SAMD12: variants seen among roughly 807,000 people sequenced by gnomAD.
SAMD12 encodes sterile alpha motif domain containing 12, also known as sterile alpha motif domain-containing protein 12.
In SAMD12, 9 loss-of-function variants were observed where a neutral mutation model predicts 15.0. The ratio of observed to expected loss-of-function variants is 0.60; its 90% CI spans 0.36 to 1.05. SAMD12 has a LOEUF of 1.05. SAMD12 is among the 50% of genes least tolerant of loss of function. SAMD12 has a pLI of 0.01. For missense variants in SAMD12, 230 were observed against 234.2 expected, an observed-to-expected ratio of 0.98 and a Z score of 0.12; for synonymous variants, 86 against 90.1, an observed-to-expected ratio of 0.96 and a Z score of 0.25.
chr8:118,563,792 A>G (rs1040926414), intron 2 of SAMD12, among the ~76,000 whole-genome samples: 3 of 152,162 alleles, frequency 2.0e-5, no homozygotes, highest in African/African-American at 4.8e-5. Context: ...TCTAATGTCC[A>G]TTTCAACAGT....
chr8:118,516,382 C>T (rs1385687349), intron 2 of SAMD12, among the ~76,000 whole-genome samples: 1 of 152,136 alleles, frequency 6.6e-6, no homozygotes, highest in South Asian at 2.1e-4. Flanking sequence ...CTTTTTTGGA[C>T]AGAAGTTGTA....
chr8:118,419,257 T>TG (rs201740454), intron 3 of SAMD12, among the ~76,000 whole-genome samples: 3,226 of 148,106 alleles, frequency 0.022, 105 homozygotes, highest in African/African-American at 0.075. Context: ...CTGCTGGCTA[T>TG]GGGGTCTGGG....
chr8:118,180,864 T>C, the SAMD12 span, among the ~76,000 whole-genome samples: 1 of 152,142 alleles, frequency 6.6e-6, no homozygotes, highest in Non-Finnish European at 1.5e-5. Flanking sequence ...CCCAACATCA[T>C]GCCCTTCTCT....
chr8:118,242,346 C>G (rs756270322), intron 4 of SAMD12, among the ~76,000 whole-genome samples: 1 of 152,080 alleles, frequency 6.6e-6, no homozygotes, highest in Non-Finnish European at 1.5e-5. Flanking sequence ...TATCTTGAAT[C>G]ACAAGAAAAT....
At chr8:118,564,349 A>G (rs1247177346) in intron 2 of SAMD12, among the ~76,000 whole-genome samples, 1 of 152,198 alleles carries the variant, frequency 6.6e-6, no homozygotes, top group East Asian at 1.9e-4. Context: ...CAAGAACCAC[A>G]TGAAAGTAAA....
At chr8:118,508,535 C>A (rs1207464437) in intron 2 of SAMD12, among the ~76,000 whole-genome samples, 1 of 152,118 alleles carries the variant, frequency 6.6e-6, no homozygotes, top group Non-Finnish European at 1.5e-5. Flanking sequence ...TTTCAAATTA[C>A]CCATGATTTC....
the SAMD12 span, among the ~76,000 whole-genome samples, chr8:118,165,605 TATATATATG>T: frequency 0.055 from 855 of 15,682 alleles, 17 homozygotes; most frequent in African/African-American, 0.13. Flanking sequence ...CATATATACA[TATATATATG>T]TATATATATA....
chr8:118,287,122 ATTTTTTT>A (rs202200197), intron 4 of SAMD12, among the ~76,000 whole-genome samples: 37 of 132,834 alleles, frequency 2.8e-4, no homozygotes, highest in Admixed American at 1.9e-3. Flanking sequence ...AAGGAAGAAT[ATTTTTTT>A]TTTTTTTTTT....
At chr8:118,287,188 T>G (rs1286038623) in intron 4 of SAMD12, among the ~76,000 whole-genome samples, 2 of 151,162 alleles carry the variant, frequency 1.3e-5, no homozygotes, top group Admixed American at 1.3e-4. Context: ...ACAGTGGCTC[T>G]ATCTCGGCTC....
At chr8:118,159,709 C>CT in the SAMD12 span, among the ~76,000 whole-genome samples, 7 of 9,804 alleles carry the variant, frequency 7.1e-4, 1 homozygote, top group South Asian at 0.013. Flanking sequence ...CAAATTTTTT[C>CT]TTTTTTTTTC....
chr8:118,430,248 A>C (rs1245472432), intron 3 of SAMD12, among the ~76,000 whole-genome samples: 4 of 152,182 alleles, frequency 2.6e-5, no homozygotes, highest in African/African-American at 9.7e-5. Context: ...TAAATTTATC[A>C]ATTTCTACCT....
chr8:118,253,715 C>T (rs925599816), intron 4 of SAMD12, among the ~76,000 whole-genome samples: 1 of 152,090 alleles, frequency 6.6e-6, no homozygotes, highest in Non-Finnish European at 1.5e-5. Context: ...GTGAGTTAAC[C>T]AACTAAACTA....
At chr8:118,285,129 C>T (rs1252541145) in intron 4 of SAMD12, among the ~76,000 whole-genome samples, 1 of 151,674 alleles carries the variant, frequency 6.6e-6, no homozygotes, top group African/African-American at 2.4e-5. Flanking sequence ...CTGCTCTTGG[C>T]CACGTTTTCT....
intron 2 of SAMD12, among the ~76,000 whole-genome samples, chr8:118,453,988 A>G (rs1420878284): frequency 6.6e-6 from 1 of 152,152 alleles, no homozygotes; most frequent in African/African-American, 2.4e-5. Flanking sequence ...CAGACCTGCT[A>G]CAAAGGGGCC....
At chr8:118,332,632 C>T (rs17681771) in intron 4 of SAMD12, among the ~76,000 whole-genome samples, 14,063 of 152,270 alleles carry the variant, frequency 0.092, 846 homozygotes, top group Non-Finnish European at 0.12. Flanking sequence ...GACCTTGGCT[C>T]ACAGCCGCAT....
intron 4 of SAMD12, among the ~76,000 whole-genome samples, chr8:118,289,630 C>T (rs992777931): frequency 1.3e-5 from 2 of 152,206 alleles, no homozygotes; most frequent in Non-Finnish European, 2.9e-5. Context: ...TTCTAGCTTA[C>T]AGCAGTGCTA....
At chr8:118,533,754 A>T (rs554900889) in intron 2 of SAMD12, among the ~76,000 whole-genome samples, 2 of 151,562 alleles carry the variant, frequency 1.3e-5, no homozygotes, top group African/African-American at 4.8e-5. Flanking sequence ...CAGAGACTAG[A>T]ATTGCAACCC....
intron 3 of SAMD12, among the ~76,000 whole-genome samples, chr8:118,410,626 G>A (rs1395012697): frequency 6.6e-6 from 1 of 152,190 alleles, no homozygotes; most frequent in Non-Finnish European, 1.5e-5. Context: ...AAGGCCATGT[G>A]CAGGTAAATG....
chr8:118,590,699 T>C (rs1827567227), intron 1 of SAMD12, among the ~76,000 whole-genome samples: 1 of 152,074 alleles, frequency 6.6e-6, no homozygotes, highest in African/African-American at 2.4e-5. Flanking sequence ...AAATCTAGAG[T>C]CTCATAACAC....
Sources: allele counts gnomAD v4.1 joint callset (sites outside exome capture counted in the v4.1 genomes callset), GRCh38; gene constraint gnomAD v4.1.1; transcripts MANE v1.5; gene names NCBI Gene and HGNC (gene_info 2026-07-23, HGNC 2026-07-21).